Variants in SMAD3 observed in about 807,000 individuals in gnomAD.
SMAD3 encodes the protein SMAD family member 3.
A neutral mutation model predicts 51.8 loss-of-function variants in SMAD3; 12 were observed. The observed-to-expected ratio is 0.23, with a 90% CI of 0.15 to 0.38. SMAD3 has a LOEUF of 0.38. Among genes scored for constraint, SMAD3 ranks in the 10% least tolerant of loss-of-function variants. The pLI is 1.00. For missense variants in SMAD3, 294 were observed against 565.6 expected (o/e 0.52, Z 4.87); for synonymous variants, 238 against 227.7 (o/e 1.05, Z -0.41).
At chr15:67,107,534 T>C (rs1376269020) in intron 1 of SMAD3, among the ~76,000 whole-genome samples, 1 of 152,248 alleles carries the variant, frequency 6.6e-6, no homozygotes, top group Non-Finnish European at 1.5e-5. Context: ...AAGTCCGTCA[T>C]TCGGCTGCGA....
At chr15:67,178,787 C>T (rs892654342) in intron 5 of SMAD3, among the ~76,000 whole-genome samples, 2 of 152,256 alleles carry the variant, frequency 1.3e-5, no homozygotes, top group Non-Finnish European at 2.9e-5. Flanking sequence ...CAGAGCCAGA[C>T]GTGGCTGACG....
chr15:67,103,532 C>T (rs1285227961), intron 1 of SMAD3, among the ~76,000 whole-genome samples: 1 of 152,220 alleles, frequency 6.6e-6, no homozygotes, highest in Non-Finnish European at 1.5e-5. Context: ...GGGGTAGGCG[C>T]TGTGCTGGTG....
intron 6 of SMAD3, among the ~76,000 whole-genome samples, chr15:67,184,377 G>T (rs1476097751): frequency 6.6e-6 from 1 of 152,174 alleles, no homozygotes; most frequent in Non-Finnish European, 1.5e-5. Flanking sequence ...AAAGCTCTGG[G>T]ATTATTGGTG....
At chr15:67,183,423 T>G (rs1422851622) in intron 6 of SMAD3, among the ~76,000 whole-genome samples, 1 of 136,154 alleles carries the variant, frequency 7.3e-6, no homozygotes, top group Non-Finnish European at 1.6e-5. Context: ...CTGCTCTTAC[T>G]GACATGATAC....
At chr15:67,155,073 CTG>C (rs1962246428) in intron 1 of SMAD3, among the ~76,000 whole-genome samples, 2 of 152,240 alleles carry the variant, frequency 1.3e-5, no homozygotes, top group African/African-American at 4.8e-5. Context: ...GCATCAGAGT[CTG>C]TTTCCTCAAC....
chr15:67,192,266 G>A lies in SMAD3; in HGVS notation c.*1730G>A, dbSNP rs1209746861. 3 of 232,960 alleles carry A rather than the reference G, an allele frequency of 1.3e-5. No individual in the cohort carries two copies. Among genetic ancestry groups the A allele is most frequent in the Non-Finnish European group, 8.5e-6 (1 of 117,656 alleles). 14.4% of individuals were successfully genotyped at this position (232,960 alleles called of 1,614,324 possible). ...GTGCCTCTGAAGTTCTAGCCATGAGGTTTCCAGGTAGGACAGCTGCTCCCC... is the reference window on the plus strand; with the variant it reads ...GTGCCTCTGAAGTTCTAGCCATGAGATTTCCAGGTAGGACAGCTGCTCCCC... On this transcript the variant is annotated 3_prime_UTR_variant, in exon 9 of 9. Transcript: ENST00000327367.
chr15:67,108,433 T>C (rs1960929982), intron 1 of SMAD3, among the ~76,000 whole-genome samples: 1 of 152,166 alleles, frequency 6.6e-6, no homozygotes, highest in African/African-American at 2.4e-5. Context: ...CAGCCTGGAA[T>C]GTCCCAAGCC....
intron 4 of SMAD3, among the ~76,000 whole-genome samples, chr15:67,169,940 G>A (rs915049472): frequency 1.3e-5 from 2 of 152,136 alleles, no homozygotes; most frequent in East Asian, 1.9e-4. Flanking sequence ...TTTTTCCCAC[G>A]TGCATCATCA....
intron 1 of SMAD3, among the ~76,000 whole-genome samples, chr15:67,143,668 A>T (rs751452983): frequency 3.9e-5 from 6 of 152,220 alleles, no homozygotes; most frequent in Non-Finnish European, 8.8e-5. Context: ...TCCTGGCCTC[A>T]AGTGATCCAC....
chr15:67,137,951 CT>C (rs1961707455), intron 1 of SMAD3: 1 of 1,092,052 alleles, frequency 9.2e-7, no homozygotes, highest in Non-Finnish European at 1.4e-6. Flanking sequence ...AGAATTCGGA[CT>C]TCTAGGAAGG....
At chr15:67,087,793 T>TA (rs1418586890) in intron 1 of SMAD3, among the ~76,000 whole-genome samples, 1 of 152,284 alleles carries the variant, frequency 6.6e-6, no homozygotes, top group South Asian at 2.1e-4. Context: ...TGCATGTGTT[T>TA]AAAAAAAGAC....
chr15:67,183,001 ATATATATATATATATATAT>A (rs1340009252), intron 6 of SMAD3, among the ~76,000 whole-genome samples: 4 of 47,494 alleles, frequency 8.4e-5, no homozygotes, highest in African/African-American at 4.8e-4. Flanking sequence ...AAAAAAAAAA[ATATATATATATATATATAT>A]ATATATATAT....
intron 1 of SMAD3, among the ~76,000 whole-genome samples, chr15:67,128,557 C>T (rs1961446008): frequency 6.6e-6 from 1 of 151,524 alleles, no homozygotes; most frequent in South Asian, 2.1e-4. Context: ...TTTTCAAGGC[C>T]AACTTAAGAT....
At position 67,101,574 on chromosome 15, in the gene SMAD3, G is replaced by A. The variant is rs565420851; in HGVS notation, c.206+35214G>A. Among the ~76,000 whole-genome samples the A allele has an allele frequency of 5.3e-5, 8 of 152,302 alleles. No homozygotes were observed. In the East Asian group the frequency reaches 1.5e-3, roughly 29 times the overall value. On this transcript the variant is annotated intron_variant, in intron 1 of 8. Coordinates refer to ENST00000327367, the MANE Select transcript of SMAD3 (RefSeq NM_005902.4). ...AGTGATGATGATGCCACTGGAACAG[G>A]CTGAGCTGTAATTGAATTAAATATC...
At chr15:67,144,568 T>A (rs1247867631) in intron 1 of SMAD3, among the ~76,000 whole-genome samples, 1 of 152,220 alleles carries the variant, frequency 6.6e-6, no homozygotes, top group African/African-American at 2.4e-5. Context: ...CCATGTTTGC[T>A]ATGTGCCAGG....
chr15:67,136,768 G>C (rs1186204737), intron 1 of SMAD3, among the ~76,000 whole-genome samples: 8 of 152,220 alleles, frequency 5.3e-5, no homozygotes, highest in Non-Finnish European at 1.2e-4. Context: ...ATTGCTGACT[G>C]CCCTATTACC....
chr15:67,172,781 G>C (rs570381313), intron 5 of SMAD3, among the ~76,000 whole-genome samples: 1 of 152,296 alleles, frequency 6.6e-6, no homozygotes, highest in East Asian at 1.9e-4. Context: ...TCCCATTGTG[G>C]CATGACACTG....
chr15:67,144,641 G>T (rs144037034), intron 1 of SMAD3, among the ~76,000 whole-genome samples: 5 of 152,330 alleles, frequency 3.3e-5, no homozygotes, highest in African/African-American at 9.6e-5. Flanking sequence ...ATGTGTTCAG[G>T]AGGGCCTATC....
At chr15:67,146,088 A>C (rs1961968048) in intron 1 of SMAD3, 1 of 152,238 alleles carries the variant, frequency 6.6e-6, no homozygotes, top group Non-Finnish European at 1.5e-5. Context: ...GGTCAGTGTT[A>C]ACTCCTTAAT....
Sources: gnomAD v4.1 joint callset for allele counts (sites outside exome capture counted in the v4.1 genomes callset) on GRCh38, gnomAD v4.1.1 for gene constraint, MANE v1.5 for transcripts, NCBI Gene and HGNC (gene_info 2026-07-23, HGNC 2026-07-21) for gene names.